PLCE1: variants seen among roughly 807,000 people sequenced by gnomAD.
PLCE1 encodes phospholipase C epsilon 1, also known as 1-phosphatidylinositol 4,5-bisphosphate phosphodiesterase epsilon-1.
A neutral mutation model predicts 242.8 loss-of-function variants in PLCE1; 119 were observed. That is an observed-to-expected ratio of 0.49 (90% CI 0.42 to 0.57). PLCE1 has a LOEUF of 0.57. Ranked by LOEUF, PLCE1 falls within the 20% of genes least tolerant of loss-of-function variation. PLCE1 has a pLI of 0.00. For missense variants in PLCE1, 2,441 were observed against 2,788.8 expected, an observed-to-expected ratio of 0.88 and a Z score of 2.81; for synonymous variants, 945 against 1,017.4, an observed-to-expected ratio of 0.93 and a Z score of 1.35.
chr10:94,197,727 A>G lies in PLCE1; in HGVS notation c.1809+26231A>G, dbSNP rs553952763. 4.5e-4 allele frequency among the ~76,000 whole-genome samples: 69 copies of G among 152,318 alleles called. 1 individual carries two copies. The highest frequency in any genetic ancestry group is 3.4e-3 in the Middle Eastern group (1 of 294). ...GCTGGGTGCAGTGGCTCACGCCTGT[A>G]ATCCCAGCACTTTGGGAGGCCAAGG... On this transcript the variant is annotated intron_variant, in intron 4 of 32. Transcript: ENST00000371380.
rs1282713593 is a variant in PLCE1, at chr10:94,212,720, T to C, written c.1810-14586T>C. 2.6e-5 allele frequency among the ~76,000 whole-genome samples: 4 copies of C among 152,342 alleles called. No individual in the cohort carries two copies. In the East Asian group the frequency reaches 7.7e-4, roughly 29 times the overall value. ...ACTTTCTTCACAAAATATTTAATACTTAATATCTGGGTAGAACATGTGCCC... is the reference window on the plus strand; with the variant it reads ...ACTTTCTTCACAAAATATTTAATACCTAATATCTGGGTAGAACATGTGCCC... On this transcript the variant is annotated intron_variant, in intron 4 of 32. Transcript: ENST00000371380.
chr10:94,007,211 T>G (rs1291307790), intron 1 of PLCE1, among the ~76,000 whole-genome samples: 2 of 151,904 alleles, frequency 1.3e-5, no homozygotes, highest in Non-Finnish European at 2.9e-5. Flanking sequence ...CATCGTGTGT[T>G]GGCTCTACTG....
At chr10:94,040,597 G>T (rs1366837966) in intron 2 of PLCE1, among the ~76,000 whole-genome samples, 1 of 152,178 alleles carries the variant, frequency 6.6e-6, no homozygotes, top group Non-Finnish European at 1.5e-5. Flanking sequence ...TCTCAGAAGT[G>T]CCACCCATAT....
At chr10:94,196,391 G>T (rs973963056) in intron 4 of PLCE1, among the ~76,000 whole-genome samples, 13 of 152,168 alleles carry the variant, frequency 8.5e-5, no homozygotes, top group African/African-American at 3.1e-4. Context: ...GCTGGGTAGT[G>T]CCCCCAGAGA....
intron 2 of PLCE1, among the ~76,000 whole-genome samples, chr10:94,110,101 C>T (rs1415228024): frequency 5.5e-5 from 6 of 109,050 alleles, no homozygotes; most frequent in African/African-American, 1.8e-4. Context: ...CTCGCTCTGT[C>T]ACCCAGGCTG....
chr10:94,279,936 G>T, intron 20 of PLCE1, 25 bp downstream of exon 20: 1 of 1,611,740 alleles, frequency 6.2e-7, no homozygotes, highest in Non-Finnish European at 8.5e-7. Flanking sequence ...TCCCTATGCT[G>T]TGCACAGGAA....
chr10:94,270,634 G>A, intron 18 of PLCE1, 32 bp downstream of exon 18: 1 of 1,261,398 alleles, frequency 7.9e-7, no homozygotes, highest in Non-Finnish European at 1.2e-6. Context: ...AGGATGGTAT[G>A]TTGGCCCTTG....
chr10:94,209,684 C>G (rs538303909), intron 4 of PLCE1, among the ~76,000 whole-genome samples: 7 of 152,146 alleles, frequency 4.6e-5, no homozygotes, highest in Non-Finnish European at 5.9e-5. Flanking sequence ...AGTGGTGGAA[C>G]AGCAAGGGAT....
intron 4 of PLCE1, among the ~76,000 whole-genome samples, chr10:94,217,266 C>G (rs1255011565): frequency 6.6e-6 from 1 of 151,928 alleles, no homozygotes; most frequent in Non-Finnish European, 1.5e-5. Context: ...CTACCATTTA[C>G]ATGGAGAGTG....
chr10:94,270,948 G>A (rs919372375), intron 18 of PLCE1, among the ~76,000 whole-genome samples: 2 of 152,114 alleles, frequency 1.3e-5, no homozygotes, highest in Admixed American at 1.3e-4. Flanking sequence ...GGGATTATAG[G>A]CGTGAGACAC....
chr10:94,259,246 A>C (rs1173727769), intron 13 of PLCE1, 96 bp downstream of exon 13: 22 of 1,219,942 alleles, frequency 1.8e-5, no homozygotes, highest in Non-Finnish European at 2.5e-5. Flanking sequence ...TGTCCCACAT[A>C]GTGTGCTATT....
chr10:94,164,632 A>T (rs2047729936), intron 3 of PLCE1, among the ~76,000 whole-genome samples: 1 of 152,342 alleles, frequency 6.6e-6, no homozygotes, highest in South Asian at 2.1e-4. Flanking sequence ...TTCTTCTCTC[A>T]ACTCGTCAAA....
At chr10:94,133,129 A>C (rs1179267679) in intron 3 of PLCE1, among the ~76,000 whole-genome samples, 2 of 152,182 alleles carry the variant, frequency 1.3e-5, no homozygotes, top group South Asian at 4.1e-4. Flanking sequence ...AAGCAGTCAT[A>C]TTGAAAACCC....
At chr10:94,316,359 G>T (rs2053572582) in intron 28 of PLCE1, among the ~76,000 whole-genome samples, 188 bp from the exon 29 acceptor site, 2 of 152,140 alleles carry the variant, frequency 1.3e-5, no homozygotes, top group Non-Finnish European at 2.9e-5. Context: ...TTGTGCCGTT[G>T]CCCGGAGTGA....
chr10:94,223,296 C>T (rs11187820), intron 4 of PLCE1, among the ~76,000 whole-genome samples: 2 of 149,178 alleles, frequency 1.3e-5, no homozygotes, highest in Non-Finnish European at 3.0e-5. Flanking sequence ...GAAGGAACAA[C>T]CAGTTCAAGA....
At chr10:94,069,621 C>T (rs975654056) in intron 2 of PLCE1, among the ~76,000 whole-genome samples, 2 of 151,760 alleles carry the variant, frequency 1.3e-5, no homozygotes, top group African/African-American at 4.8e-5. Context: ...TAAAAACAAA[C>T]AAACAAACAA....
intron 3 of PLCE1, among the ~76,000 whole-genome samples, chr10:94,162,407 T>G (rs1047771658): frequency 1.3e-5 from 2 of 152,232 alleles, no homozygotes; most frequent in Non-Finnish European, 2.9e-5. Flanking sequence ...GTGGAGGAAT[T>G]TATCCATTTC....
At chr10:94,152,775 T>A (rs1282428937) in intron 3 of PLCE1, among the ~76,000 whole-genome samples, 1 of 152,246 alleles carries the variant, frequency 6.6e-6, no homozygotes, top group Non-Finnish European at 1.5e-5. Flanking sequence ...AGTATCATTA[T>A]TACTGCTTCC....
rs1159752358 is a variant in PLCE1, at chr10:94,171,214, T to G, written c.1527T>G (p.Asn509Lys). 6.2e-7 allele frequency: 1 copy of G among 1,614,086 alleles called. No homozygotes were observed. The highest frequency in any genetic ancestry group is 1.3e-5 in the African/African-American group (1 of 74,930). ...CAGGCCCCTCTGTGGCCAATTCCAA[T>G]GCCCTCCCTTCAAGTTCAGCTGGGA... ...RQPGPSVANS[N>K]ALPSSSAGIS... Residue 509 changes from asparagine (N) to lysine (K), a missense_variant, in exon 4 of 33, where the codon AAT (asparagine) becomes AAG (lysine). By Grantham distance (94) the Asn-to-Lys change is moderately conservative. Around this residue, in one of 5 missense-constraint regions of PLCE1, gnomAD observed 733 missense variants for 754.2 expected, o/e 0.97. Transcript: ENST00000371380.
Sources: allele counts gnomAD v4.1 joint callset (sites outside exome capture counted in the v4.1 genomes callset), GRCh38; gene constraint gnomAD v4.1.1; regional missense constraint gnomAD v4.1.1; transcripts MANE v1.5; gene names NCBI Gene and HGNC (gene_info 2026-07-23, HGNC 2026-07-21).